The following DOCK4 variants were observed in gnomAD, a reference collection of about 807,000 sequenced individuals.
DOCK4 encodes the protein dedicator of cytokinesis 4, also known as dedicator of cytokinesis protein 4.
In DOCK4, 97 loss-of-function variants were observed where a neutral mutation model predicts 268.1. The observed-to-expected ratio is 0.36, with a 90% CI of 0.31 to 0.43. DOCK4 has a LOEUF of 0.43. Ranked by LOEUF, DOCK4 falls within the 20% of genes least tolerant of loss-of-function variation. The pLI, the probability that DOCK4 is intolerant of heterozygous loss-of-function variation, is 1.00. For synonymous variants in DOCK4, 954 were observed against 887.2 expected (o/e 1.08, Z -1.34); for missense variants, 2,145 against 2,455.7 (o/e 0.87, Z 2.67).
At chr7:112,059,593 C>T (rs749174589) in intron 1 of DOCK4, among the ~76,000 whole-genome samples, 1 of 152,202 alleles carries the variant, frequency 6.6e-6, no homozygotes, top group Non-Finnish European at 1.5e-5. Context: ...TTCACCAACT[C>T]ATGACATGAT....
chr7:112,082,602 T>C (rs1053628658), intron 1 of DOCK4, among the ~76,000 whole-genome samples: 8 of 152,156 alleles, frequency 5.3e-5, no homozygotes, highest in Admixed American at 1.3e-4. Context: ...CTACAGAGAA[T>C]GTATTGTTAA....
rs77217098 is a variant in DOCK4 at position 111,874,745 on chromosome 7, T to C, written c.1745-2181A>G. ...AATAGGAGGATGCCATGACCCCTAA[T>C]CCTCTGAACCTTAAAATCTCTACCT... On this transcript the variant is annotated intron_variant, in intron 17 of 52. Transcript: ENST00000428084. Among the ~76,000 whole-genome samples the C allele has an allele frequency of 4.0e-3, 612 of 152,292 alleles. 2 individuals carry two copies. Among genetic ancestry groups the C allele is most frequent in the East Asian group, 0.02 (105 of 5,176 alleles).
At chr7:112,123,562 G>C (rs1355092067) in intron 1 of DOCK4, among the ~76,000 whole-genome samples, 1 of 152,098 alleles carries the variant, frequency 6.6e-6, no homozygotes, top group Non-Finnish European at 1.5e-5. Context: ...ACAGATTCTG[G>C]AATTTTAGCT....
intron 1 of DOCK4, among the ~76,000 whole-genome samples, chr7:112,011,174 A>C (rs1454109028): frequency 6.6e-6 from 1 of 152,196 alleles, no homozygotes; most frequent in Non-Finnish European, 1.5e-5. Context: ...GGCCATTCCC[A>C]CTTAACTGAC....
chr7:111,916,980 GTTTT>G lies in DOCK4; in HGVS notation c.1067-1080_1067-1077del, dbSNP rs749349556. On this transcript the variant is annotated intron_variant, in intron 12 of 52. Coordinates refer to ENST00000428084, the MANE Select transcript of DOCK4 (RefSeq NM_001363540.2). ...ACCCACCTCCCACCCTTTCCCCCAT[GTTTT>G]TTTTTTTTTTTTTTTTTTTTTTGAG... Among the ~76,000 whole-genome samples the G allele has an allele frequency of 3.9e-4, 33 of 83,974 alleles. 1 individual carries two copies. In the East Asian group the frequency reaches 8.6e-3, roughly 22 times the overall value. The allele number at this position is 83,974 out of a possible 152,430, so 55.1% of individuals were successfully genotyped here.
chr7:112,013,793 C>T (rs371163909), intron 1 of DOCK4, among the ~76,000 whole-genome samples: 1 of 148,050 alleles, frequency 6.8e-6, no homozygotes, highest in Non-Finnish European at 1.5e-5. Flanking sequence ...TTAGTCTGTA[C>T]CCTAACTCCA....
chr7:111,733,203 G>A (rs1795227371), intron 51 of DOCK4, among the ~76,000 whole-genome samples: 3 of 152,206 alleles, frequency 2.0e-5, no homozygotes. Context: ...CTGAAAGGCT[G>A]TAAGAAAGAA....
chr7:112,204,656 A>G (rs73422510), intron 1 of DOCK4, among the ~76,000 whole-genome samples: 3,567 of 152,194 alleles, frequency 0.023, 136 homozygotes, highest in African/African-American at 0.082. Flanking sequence ...CCAGAATGGA[A>G]GCTAACGTGA....
In DOCK4 at chr7:111,915,686, G is replaced by A. The variant is rs561209013; in HGVS notation, c.1192+93C>T. ...ATTCTTCAGCATGGCCCATGTGAAT[G>A]CTTCAAAGCTGGCAATTTGAAAAAT... On this transcript the variant is annotated intron_variant, in intron 13 of 52. Transcript: ENST00000428084. The A allele has an allele frequency of 1.2e-4, 157 of 1,350,566 alleles. 2 individuals are homozygous for A. The South Asian group carries it at 2.0e-3, about 17-fold the overall frequency. The allele number at this position is 1,350,566 out of a possible 1,614,324, so 83.7% of individuals were successfully genotyped here. A position where few individuals can be genotyped will look rare whatever the true frequency, so the allele number is the denominator to read the frequency against.
intron 27 of DOCK4, among the ~76,000 whole-genome samples, chr7:111,819,083 A>C (rs746741244): frequency 2.6e-5 from 4 of 152,208 alleles, no homozygotes; most frequent in Non-Finnish European, 5.9e-5. Context: ...GGCTACATAG[A>C]TCTCATTTGA....
chr7:112,120,430 GA>G (rs1812631019), intron 1 of DOCK4, among the ~76,000 whole-genome samples: 1 of 152,090 alleles, frequency 6.6e-6, no homozygotes, highest in African/African-American at 2.4e-5. Flanking sequence ...ACATTGTCTG[GA>G]TTAGTAATCT....
chr7:111,758,226 T>C (rs1797163225), intron 41 of DOCK4, among the ~76,000 whole-genome samples: 1 of 152,250 alleles, frequency 6.6e-6, no homozygotes, highest in Non-Finnish European at 1.5e-5. Context: ...TATGTATTCT[T>C]TATTCATTGA....
chr7:111,934,499 C>G (rs1012973671), intron 12 of DOCK4, among the ~76,000 whole-genome samples: 1 of 146,796 alleles, frequency 6.8e-6, no homozygotes, highest in Non-Finnish European at 1.5e-5. Context: ...CCATAGGCAG[C>G]GAAGCATGTT....
At chr7:111,729,100 GTTTGTGGTAT>G (rs935906574) in intron 52 of DOCK4, among the ~76,000 whole-genome samples, 5 of 152,190 alleles carry the variant, frequency 3.3e-5, no homozygotes, top group African/African-American at 7.2e-5. Flanking sequence ...AAGCCACCCA[GTTTGTGGTAT>G]TTTGTGAGGG....
rs1800866354 is a variant in DOCK4 at position 111,808,879 on chromosome 7, C to T, written c.3108G>A (p.Lys1036=). Residue 1036 remains lysine, a splice_region_variant and synonymous_variant, in exon 30 of 53, where the codon AAG becomes AAA. Transcript: ENST00000428084. The stretch of plus-strand genomic sequence containing the variant: ...CCATTGTTACCCGCATGTCACCATA[C>T]CTGAAATAGAACAAAAAACCAAACC... ...TPSKKKKVLE[K]YGDMRVTMGC... The T allele has an allele frequency of 6.2e-7, 1 of 1,612,726 alleles. No individual in the cohort carries two copies. The highest frequency in any genetic ancestry group is 8.5e-7 in the Non-Finnish European group (1 of 1,179,434).
rs138307865 is a variant in DOCK4 at position 112,030,699 on chromosome 7, C to T, written c.38-26568G>A. Among the ~76,000 whole-genome samples the T allele has an allele frequency of 2.4e-3, 362 of 152,180 alleles. 1 individual carries two copies. The highest frequency in any genetic ancestry group is 8.1e-3 in the African/African-American group (335 of 41,520). On this transcript the variant is annotated intron_variant, in intron 1 of 52. Coordinates refer to ENST00000428084, the MANE Select transcript of DOCK4 (RefSeq NM_001363540.2). ...CTCTGAGACAGACGAAAGCCTAGAG[C>T]CACATGGACAAAGCTTGCTAGAAGA...
At position 111,788,731 on chromosome 7, in the gene DOCK4, A is replaced by G. The variant is rs201892749; in HGVS notation, c.3332T>C (p.Ile1111Thr). ...GNFKQVEAKL[I>T]DKLDSLMSEG... Reference sequence around the variant, plus strand: ...TGACATCAGGCTATCCAGTTTGTCAATTAGCTTGGCTTCCACCTGAAACAT... The same window carrying G: ...TGACATCAGGCTATCCAGTTTGTCAGTTAGCTTGGCTTCCACCTGAAACAT... Residue 1111 changes from isoleucine to threonine, a missense_variant, in exon 32 of 53, where the codon ATT becomes ACT. This residue lies in a region of DOCK4 where 1,598 missense variants were observed against 1,986.7 expected (regional missense o/e 0.80). Coordinates refer to ENST00000428084, the MANE Select transcript of DOCK4 (RefSeq NM_001363540.2). The G allele has an allele frequency of 1.9e-6, 3 of 1,591,050 alleles. No individual in the cohort carries two copies. The highest frequency in any genetic ancestry group is 2.3e-5 in the South Asian group (2 of 87,394).
intron 7 of DOCK4, among the ~76,000 whole-genome samples, chr7:111,979,032 G>C (rs1466295523): frequency 1.3e-5 from 2 of 152,182 alleles, no homozygotes; most frequent in East Asian, 3.8e-4. Flanking sequence ...CATTGTAACA[G>C]AGCCATAGCC....
chr7:111,741,609 G>A lies in DOCK4; in HGVS notation c.4850C>T (p.Pro1617Leu), dbSNP rs776794984. ...ASPVHFPNGS[P>L]RVCRNSAPAS... ...AGGTGCTGAGTTTCTACACACACGA[G>A]GGCTTCCATTAGGAAAATGGACAGG... The change falls in exon 46 of 53, where the codon CCT becomes CTT. Residue 1617 changes from proline to leucine, a missense_variant. Physicochemically the swap from Pro to Leu is moderately conservative, Grantham distance 98 (BLOSUM62 -3). Transcript: ENST00000428084. The A allele has an allele frequency of 6.2e-7, 1 of 1,613,566 alleles. No individual in the cohort carries two copies. The highest frequency in any genetic ancestry group is 8.5e-7 in the Non-Finnish European group (1 of 1,179,726).
Sources: allele counts gnomAD v4.1 joint callset (sites outside exome capture counted in the v4.1 genomes callset), GRCh38; gene constraint gnomAD v4.1.1; regional missense constraint gnomAD v4.1.1; transcripts MANE v1.5; gene names NCBI Gene and HGNC (gene_info 2026-07-23, HGNC 2026-07-21).